LRRC8D: variants seen among roughly 807,000 people sequenced by gnomAD.
The protein encoded by LRRC8D is volume-regulated anion channel subunit LRRC8D.
Under a neutral mutation model 55.8 loss-of-function variants are expected in LRRC8D, and 20 were observed. That is an observed-to-expected ratio of 0.36 (90% CI 0.25 to 0.52). The LOEUF (loss-of-function observed/expected upper bound fraction) is 0.52, where lower values mean the gene tolerates loss of function less well. Ranked by LOEUF, LRRC8D falls within the 20% of genes least tolerant of loss-of-function variation. The pLI is 0.93. For synonymous variants in LRRC8D, 352 were observed against 377.0 expected (o/e 0.93, Z 0.77); for missense variants, 651 against 1,030.8 (o/e 0.63, Z 5.05).
intron 2 of LRRC8D, among the ~76,000 whole-genome samples, chr1:89,904,788 G>A (rs544145037): frequency 4.2e-4 from 64 of 152,268 alleles, no homozygotes; most frequent in Non-Finnish European, 7.1e-4. Flanking sequence ...GGGCAATCTT[G>A]GAGTTGAACT....
At chr1:89,847,797 T>C (rs886563246) in intron 2 of LRRC8D, among the ~76,000 whole-genome samples, 1 of 152,246 alleles carries the variant, frequency 6.6e-6, no homozygotes, top group African/African-American at 2.4e-5. Flanking sequence ...GTATCTCTTA[T>C]AATTGCAGAT....
chr1:89,833,954 G>A (rs561891034), intron 1 of LRRC8D, among the ~76,000 whole-genome samples: 12 of 152,118 alleles, frequency 7.9e-5, no homozygotes, highest in Non-Finnish European at 1.2e-4. Context: ...CCTACAAAGT[G>A]CTATTTGTTG....
chr1:89,900,578 T>C (rs968063060), intron 2 of LRRC8D, among the ~76,000 whole-genome samples: 4 of 152,154 alleles, frequency 2.6e-5, no homozygotes. Flanking sequence ...GTTTACCACT[T>C]GAGGTGAACA....
At chr1:89,882,647 C>G (rs961259854) in intron 2 of LRRC8D, among the ~76,000 whole-genome samples, 13 of 152,150 alleles carry the variant, frequency 8.5e-5, no homozygotes, top group African/African-American at 2.9e-4. Context: ...TGTCAAACTC[C>G]AAGTGTTTTT....
chr1:89,847,556 A>C (rs1661310771), intron 2 of LRRC8D, among the ~76,000 whole-genome samples: 1 of 152,248 alleles, frequency 6.6e-6, no homozygotes, highest in Non-Finnish European at 1.5e-5. Flanking sequence ...CTTTGATGTT[A>C]AATGCCAAGG....
intron 2 of LRRC8D, among the ~76,000 whole-genome samples, chr1:89,873,803 A>G (rs1662080966): frequency 6.6e-6 from 1 of 152,242 alleles, no homozygotes; most frequent in African/African-American, 2.4e-5. Context: ...AGAATCAGCC[A>G]TATCATAGCA....
chr1:89,914,656 T>A (rs1663215006), intron 2 of LRRC8D, among the ~76,000 whole-genome samples: 1 of 152,236 alleles, frequency 6.6e-6, no homozygotes, highest in Non-Finnish European at 1.5e-5. Context: ...CGTCCCTGGT[T>A]TTTGTTTACT....
At chr1:89,846,159 C>T (rs943774667) in intron 2 of LRRC8D, among the ~76,000 whole-genome samples, 9 of 152,152 alleles carry the variant, frequency 5.9e-5, no homozygotes, top group African/African-American at 2.2e-4. Flanking sequence ...TAGCATCTGT[C>T]ACTCTGCTCT....
intron 2 of LRRC8D, among the ~76,000 whole-genome samples, chr1:89,871,411 T>G (rs959455099): frequency 6.6e-6 from 1 of 152,238 alleles, no homozygotes; most frequent in Non-Finnish European, 1.5e-5. Context: ...CGCCTGCGCA[T>G]AGCGTTCTTT....
At chr1:89,837,097 A>C (rs955357093) in intron 1 of LRRC8D, among the ~76,000 whole-genome samples, 5 of 152,228 alleles carry the variant, frequency 3.3e-5, no homozygotes, top group African/African-American at 1.2e-4. Context: ...ATCAAAGTAC[A>C]TGGGTTCACT....
At position 89,935,198 on chromosome 1, in the gene LRRC8D, A is replaced by T. The variant is rs763012151; in HGVS notation, c.2130A>T (p.Ser710=). ...TTACCCATGTCAAAAACTTGGAGTC[A>T]CTTTATTTCTCTAACAACAAGCTCG... ...PSITHVKNLE[S]LYFSNNKLES... Residue 710 remains serine (S), a synonymous_variant, in exon 3 of 3, where the codon TCA becomes TCT. Transcript: ENST00000337338. The T allele has an allele frequency of 6.2e-7, 1 of 1,614,196 alleles. No individual in the cohort carries two copies. The highest frequency in any genetic ancestry group is 8.5e-7 in the Non-Finnish European group (1 of 1,180,014).
chr1:89,838,801 T>C (rs1253239309), intron 1 of LRRC8D, among the ~76,000 whole-genome samples: 1 of 152,248 alleles, frequency 6.6e-6, no homozygotes, highest in Non-Finnish European at 1.5e-5. Flanking sequence ...GATCAGTGGA[T>C]CAGTCTTATT....
In LRRC8D at chr1:89,898,000, T is replaced by C. The variant is rs561311632; in HGVS notation, c.-2-35067T>C. 2.0e-5 allele frequency among the ~76,000 whole-genome samples: 3 copies of C among 152,188 alleles called. No individual in the cohort carries two copies. The South Asian group carries it at 6.2e-4, about 32-fold the overall frequency. ...TAGCACAGCAGATAACAGAAGGAATTCCCACCTAACCGCCATACTCGCTCC... is the reference window on the plus strand; with the variant it reads ...TAGCACAGCAGATAACAGAAGGAATCCCCACCTAACCGCCATACTCGCTCC... On this transcript the variant is annotated intron_variant, in intron 2 of 2. Transcript: ENST00000337338.
At chr1:89,865,885 A>C (rs941852568) in intron 2 of LRRC8D, among the ~76,000 whole-genome samples, 1 of 152,230 alleles carries the variant, frequency 6.6e-6, no homozygotes, top group African/African-American at 2.4e-5. Context: ...AGATATGGAA[A>C]ATTTTTAAGG....
intron 2 of LRRC8D, among the ~76,000 whole-genome samples, chr1:89,913,710 C>T (rs1338991985): frequency 2.6e-5 from 4 of 152,164 alleles, no homozygotes; most frequent in South Asian, 2.1e-4. Context: ...TCACCATCTT[C>T]GAAATATTTT....
chr1:89,891,044 G>A (rs894236859), intron 2 of LRRC8D, among the ~76,000 whole-genome samples: 1 of 152,106 alleles, frequency 6.6e-6, no homozygotes, highest in African/African-American at 2.4e-5. Flanking sequence ...ACCATGCCCA[G>A]CTAATTTTTG....
chr1:89,880,059 G>A (rs1321567676), intron 2 of LRRC8D, among the ~76,000 whole-genome samples: 3 of 151,804 alleles, frequency 2.0e-5, no homozygotes, highest in Non-Finnish European at 2.9e-5. Context: ...ATTTAGTTAT[G>A]TGTGAGACAT....
intron 1 of LRRC8D, among the ~76,000 whole-genome samples, chr1:89,837,446 G>A (rs1661027164): frequency 6.6e-6 from 1 of 152,168 alleles, no homozygotes; most frequent in Admixed American, 6.5e-5. Context: ...ACAAGGGAAA[G>A]CAAACTCAAT....
intron 1 of LRRC8D, among the ~76,000 whole-genome samples, chr1:89,823,162 T>A (rs1660680857): frequency 6.6e-6 from 1 of 152,186 alleles, no homozygotes; most frequent in Non-Finnish European, 1.5e-5. Context: ...CCTAACAGAT[T>A]AGAAGGTTGG....
Sources: gnomAD v4.1 joint callset for allele counts (sites outside exome capture counted in the v4.1 genomes callset) on GRCh38, gnomAD v4.1.1 for gene constraint, MANE v1.5 for transcripts, NCBI Gene and HGNC (gene_info 2026-07-23, HGNC 2026-07-21) for gene names.